CDH13: variants seen among roughly 807,000 people sequenced by gnomAD.
The protein encoded by CDH13 is cadherin-13.
A neutral mutation model predicts 63.8 loss-of-function variants in CDH13; 24 were observed. That is an observed-to-expected ratio of 0.38 (90% CI 0.27 to 0.53). CDH13 has a LOEUF of 0.53. Ranked by LOEUF, CDH13 falls within the 20% of genes least tolerant of loss-of-function variation. The pLI is 0.85. For missense variants in CDH13, 1,049 were observed against 903.1 expected, an observed-to-expected ratio of 1.16 and a Z score of -2.07; for synonymous variants, 503 against 355.3, an observed-to-expected ratio of 1.42 and a Z score of -4.67.
intron 2 of CDH13, among the ~76,000 whole-genome samples, chr16:82,946,383 C>A (rs1279547824): frequency 6.6e-6 from 1 of 152,056 alleles, no homozygotes; most frequent in Non-Finnish European, 1.5e-5. Context: ...TAGTCAAGCA[C>A]CCTGATTAAA....
chr16:83,792,342 A>C (rs1916327951), intron 13 of CDH13, among the ~76,000 whole-genome samples: 1 of 152,064 alleles, frequency 6.6e-6, no homozygotes, highest in Non-Finnish European at 1.5e-5. Context: ...CCATCTCAAT[A>C]GCCCTGGGAC....
intron 13 of CDH13, among the ~76,000 whole-genome samples, chr16:83,792,252 T>G (rs1273525269): frequency 6.6e-6 from 1 of 152,242 alleles, no homozygotes; most frequent in Non-Finnish European, 1.5e-5. Context: ...ACAATGACAG[T>G]TGATCCTTGG....
At chr16:83,100,361 G>C (rs11862158) in intron 3 of CDH13, among the ~76,000 whole-genome samples, 75 of 152,262 alleles carry the variant, frequency 4.9e-4, no homozygotes, top group African/African-American at 1.8e-3. Context: ...TTTGGATACC[G>C]AGGTCAAATT....
intron 1 of CDH13, among the ~76,000 whole-genome samples, chr16:82,810,646 C>G (rs2037397209): frequency 6.6e-6 from 1 of 152,174 alleles, no homozygotes; most frequent in East Asian, 1.9e-4. Context: ...ATTCTCAGCC[C>G]CCATGGCTGG....
chr16:82,726,773 C>G (rs1196180930), intron 1 of CDH13, among the ~76,000 whole-genome samples: 5 of 152,208 alleles, frequency 3.3e-5, no homozygotes, highest in African/African-American at 1.2e-4. Context: ...TTGAGAAATA[C>G]TAGCTTTTAT....
At chr16:83,740,740 A>G (rs1911979969) in intron 10 of CDH13, among the ~76,000 whole-genome samples, 1 of 152,108 alleles carries the variant, frequency 6.6e-6, no homozygotes, top group Admixed American at 6.5e-5. Flanking sequence ...CTCAGCTGTT[A>G]TGGAGTCACA....
chr16:82,962,861 C>T (rs1339700947), intron 2 of CDH13, among the ~76,000 whole-genome samples: 1 of 152,058 alleles, frequency 6.6e-6, no homozygotes, highest in Non-Finnish European at 1.5e-5. Flanking sequence ...ATTTCATTTA[C>T]TAATGGTCAC....
At chr16:83,372,208 C>A (rs2091379942) in intron 6 of CDH13, among the ~76,000 whole-genome samples, 2 of 152,170 alleles carry the variant, frequency 1.3e-5, no homozygotes, top group African/African-American at 4.8e-5. Flanking sequence ...TAGGTGAGAA[C>A]ACTGAGTCTC....
chr16:83,369,882 A>C (rs898985109), intron 6 of CDH13, among the ~76,000 whole-genome samples: 2 of 152,138 alleles, frequency 1.3e-5, no homozygotes, highest in Non-Finnish European at 2.9e-5. Flanking sequence ...ATCCACTGTG[A>C]AGTCAAAATT....
intron 5 of CDH13, among the ~76,000 whole-genome samples, chr16:83,325,211 T>G (rs1415691198): frequency 6.6e-6 from 1 of 152,244 alleles, no homozygotes. Context: ...GACTATTTTT[T>G]AATTATTACA....
Position 83,271,422 on chromosome 16 carries a change from TAAAAAAAA to T in CDH13, c.636+53948_636+53955del, listed in dbSNP as rs56382330. ...CTACCGCACATTGAGGCAGAGTTCA[TAAAAAAAA>T]AAAAAAAAAAAAAAAAAAAAAATTC... On this transcript the variant is annotated intron_variant, in intron 5 of 13. Transcript: ENST00000567109. Among the ~76,000 whole-genome samples, 19 of 26,034 alleles carry T rather than the reference TAAAAAAAA, an allele frequency of 7.3e-4. 2 individuals are homozygous for T. Among genetic ancestry groups the T allele is most frequent in the South Asian group, 2.1e-3 (1 of 484 alleles). 17.1% of individuals were successfully genotyped at this position (26,034 alleles called of 152,430 possible).
intron 6 of CDH13, among the ~76,000 whole-genome samples, chr16:83,407,585 T>C (rs1204528040): frequency 6.6e-6 from 1 of 152,224 alleles, no homozygotes; most frequent in African/African-American, 2.4e-5. Context: ...TAGCCTATAA[T>C]TGCAAATTGA....
intron 5 of CDH13, among the ~76,000 whole-genome samples, chr16:83,262,255 A>T (rs1907081331): frequency 6.6e-6 from 1 of 152,122 alleles, no homozygotes; most frequent in South Asian, 2.1e-4. Flanking sequence ...CCCAGACCAC[A>T]TGGGGTAATG....
intron 5 of CDH13, among the ~76,000 whole-genome samples, chr16:83,334,301 C>T (rs980336830): frequency 9.3e-5 from 14 of 151,104 alleles, no homozygotes; most frequent in Non-Finnish European, 2.1e-4. Context: ...CTCTCCCTCT[C>T]TCTCCCCCCT....
chr16:83,796,759 C>T lies in CDH13; in HGVS notation c.*1729C>T, dbSNP rs2151025473. 6.6e-6 allele frequency: 1 copy of T among 152,290 alleles called. No homozygotes were observed. The highest frequency in any genetic ancestry group is 6.5e-5 in the Admixed American group (1 of 15,288). 9.4% of individuals were successfully genotyped at this position (152,290 alleles called of 1,614,324 possible). ...TGAAGACAGAAGTACCAGTTCTCAG[C>T]ATGGGCCATGGACTCATCTTGTCCA... On this transcript the variant is annotated 3_prime_UTR_variant, in exon 14 of 14. Transcript: ENST00000567109.
chr16:83,507,292 T>G (rs2151596414), intron 7 of CDH13, among the ~76,000 whole-genome samples: 1 of 152,362 alleles, frequency 6.6e-6, no homozygotes, highest in African/African-American at 2.4e-5. Context: ...TGAGAAAGTT[T>G]GTAATGTATG....
At chr16:82,741,413 G>A (rs1172448455) in intron 1 of CDH13, among the ~76,000 whole-genome samples, 14 of 152,164 alleles carry the variant, frequency 9.2e-5, no homozygotes, top group Admixed American at 9.2e-4. Context: ...ATCCCCTGCA[G>A]GCTTTTCTGT....
chr16:82,969,598 T>G (rs1353954287), intron 2 of CDH13, among the ~76,000 whole-genome samples: 1 of 152,002 alleles, frequency 6.6e-6, no homozygotes, highest in African/African-American at 2.4e-5. Context: ...TAGGTAATCT[T>G]TTGTTGTGAG....
At chr16:83,551,375 T>C (rs944993761) in intron 7 of CDH13, among the ~76,000 whole-genome samples, 1 of 152,188 alleles carries the variant, frequency 6.6e-6, no homozygotes, top group African/African-American at 2.4e-5. Context: ...CTTAATTCTT[T>C]TAACATGTAA....
Sources: gnomAD v4.1 joint callset for allele counts (sites outside exome capture counted in the v4.1 genomes callset) on GRCh38, gnomAD v4.1.1 for gene constraint, MANE v1.5 for transcripts, NCBI Gene and HGNC (gene_info 2026-07-23, HGNC 2026-07-21) for gene names.